The following PRSS48 variants were observed in gnomAD, a reference collection of about 807,000 sequenced individuals.
PRSS48 encodes the protein epidermis-specific serine protease-like protein.
PRSS48 carries 21 observed loss-of-function variants against 25.6 expected under a neutral mutation model. The observed-to-expected ratio is 0.82, with a 90% confidence interval of 0.58 to 1.18. The LOEUF (loss-of-function observed/expected upper bound fraction) is 1.18, where lower values mean the gene tolerates loss of function less well. Ranked by LOEUF, PRSS48 falls within the 50% of genes most tolerant of loss-of-function variation. The probability of loss-of-function intolerance (pLI) is 0.00; values close to 1 mark genes in which losing one functional copy is unlikely to be tolerated. For missense variants in PRSS48, 373 were observed against 399.3 expected (o/e 0.93, Z 0.56); for synonymous variants, 150 against 149.3 (o/e 1.00, Z -0.04).
intron 2 of PRSS48, among the ~76,000 whole-genome samples, chr4:151,280,836 A>G (rs1774155279): frequency 6.6e-6 from 1 of 152,176 alleles, no homozygotes; most frequent in Admixed American, 6.6e-5. Flanking sequence ...AAATAGAGTA[A>G]TAACTTCAAA....
rs1232738700 is a variant in PRSS48 at position 151,283,169 on chromosome 4, C to T, written c.534C>T (p.Arg178=). 9 of 1,613,886 alleles carry T rather than the reference C, an allele frequency of 5.6e-6. No homozygotes were observed. In the African/African-American group the frequency reaches 8.0e-5, roughly 14 times the overall value. The change falls in exon 4 of 5, where the codon CGC becomes CGT. Residue 178 remains arginine (R), a synonymous_variant. Transcript: ENST00000455694. ...AAGCAGAAGTACCCATTATTGACCGCCAGGCTTGTGAACAGCTCTACAATC... is the reference window on the plus strand; with the variant it reads ...AAGCAGAAGTACCCATTATTGACCGTCAGGCTTGTGAACAGCTCTACAATC...
intron 1 of PRSS48, chr4:151,279,128 C>A: frequency 2.3e-6 from 1 of 438,176 alleles, no homozygotes; most frequent in Non-Finnish European, 4.5e-6. Context: ...CCTGCCAAGG[C>A]CAGCACCCTG....
rs200807354 is a variant in PRSS48, at chr4:151,282,266, A to G, written c.334A>G (p.Thr112Ala). Residue 112 changes from threonine (T) to alanine (A), a missense_variant, in exon 3 of 5, where the codon ACG (threonine) becomes GCG (alanine). Coordinates refer to ENST00000455694, the Ensembl canonical transcript of PRSS48. ...CATCCATCCCAAGTACCAAGATACA[A>G]CGGCAGACGTCGCCTTGTTGAAACT... The G allele has an allele frequency of 1.4e-5, 22 of 1,613,978 alleles. No homozygotes were observed. In the African/African-American group the frequency reaches 2.9e-4, roughly 22 times the overall value.
At chr4:151,278,051 A>G (rs1008039650) in intron 1 of PRSS48, among the ~76,000 whole-genome samples, 8 of 152,150 alleles carry the variant, frequency 5.3e-5, no homozygotes, top group Admixed American at 6.6e-5. Context: ...CCCAAAAAAC[A>G]GAAAGGGTAT....
chr4:151,286,336 A>G (rs1324216229), intron 4 of PRSS48, among the ~76,000 whole-genome samples: 1 of 148,070 alleles, frequency 6.8e-6, no homozygotes, highest in Non-Finnish European at 1.5e-5. Flanking sequence ...AATAAAATTG[A>G]AAAAAAACTT....
chr4:151,291,408 G>A, exon 5 of PRSS48: 1 of 1,613,856 alleles, frequency 6.2e-7, no homozygotes. Context: ...CTTGCATACA[G>A]GGCTGGGAAG....
At chr4:151,291,746 G>A (rs1371832855), downstream of PRSS48, among the ~76,000 whole-genome samples, 2 of 152,158 alleles carry the variant, frequency 1.3e-5, no homozygotes, top group African/African-American at 4.8e-5. Flanking sequence ...AAATTAAATA[G>A]CTACTACAGA....
intron 2 of PRSS48, among the ~76,000 whole-genome samples, chr4:151,280,475 T>C (rs1774107230): frequency 6.6e-6 from 1 of 152,226 alleles, no homozygotes; most frequent in African/African-American, 2.4e-5. Flanking sequence ...TCAATGGTAC[T>C]CAACTAAGTC....
At chr4:151,280,051 A>AGAGAGGCAGGGCGG (rs1554066217) in intron 2 of PRSS48, 93 bp downstream of exon 2, 3 of 702,752 alleles carry the variant, frequency 4.3e-6, no homozygotes, top group South Asian at 2.4e-5. Flanking sequence ...GAAAGTGGTA[A>AGAGAGGCAGGGCGG]AATAGGCAGG....
At chr4:151,286,184 G>GAAAA (rs56850648) in intron 4 of PRSS48, among the ~76,000 whole-genome samples, 2,176 of 86,434 alleles carry the variant, frequency 0.025, no homozygotes, top group Non-Finnish European at 0.031. Flanking sequence ...CTGTCTTAAA[G>GAAAA]AAAAAAAAAA....
At chr4:151,279,826 T>C (rs964175962) in exon 2 of PRSS48, 1 of 1,613,894 alleles carries the variant, frequency 6.2e-7, no homozygotes, top group South Asian at 1.1e-5. Flanking sequence ...TCCAGCCGCG[T>C]TGTAGGTGGC....
At chr4:151,288,256 G>T (rs1775011191) in intron 4 of PRSS48, among the ~76,000 whole-genome samples, 1 of 152,144 alleles carries the variant, frequency 6.6e-6, no homozygotes, top group Non-Finnish European at 1.5e-5. Context: ...ATGCAACACT[G>T]TACTGGAGGT....
At position 151,282,135 on chromosome 4, in the gene PRSS48, CT is replaced by C. The variant is rs1417714198; in HGVS notation, c.216-9del. On this transcript the variant is annotated splice_polypyrimidine_tract_variant and intron_variant, in intron 2 of 4. Transcript: ENST00000455694. The stretch of plus-strand genomic sequence containing the variant: ...TGCAGGCCATAAGCAGGCCTCCTTT[CT>C]TTTCCCCATAGGACCTGGACTACTT... 4 of 1,612,178 alleles carry C rather than the reference CT, an allele frequency of 2.5e-6. No homozygotes were observed. Among genetic ancestry groups the C allele is most frequent in the African/African-American group, 2.7e-5 (2 of 74,890 alleles).
chr4:151,288,224 G>C (rs917307827), intron 4 of PRSS48, among the ~76,000 whole-genome samples: 2 of 152,142 alleles, frequency 1.3e-5, no homozygotes, highest in Admixed American at 1.3e-4. Context: ...AAGAGACAAG[G>C]ATGTCTATTC....
chr4:151,279,240 AT>A (rs34523834), intron 1 of PRSS48: 435 of 206,696 alleles, frequency 2.1e-3, no homozygotes, highest in Middle Eastern at 0.011. Flanking sequence ...TTCTTTTTCA[AT>A]TTTTTTTTTA....
rs531273080 is a variant in PRSS48, at chr4:151,288,093, A to C, written c.652-3025A>C. On this transcript the variant is annotated intron_variant, in intron 4 of 4. Transcript: ENST00000455694. ...AACAACGCTTCACGTTAAAAAAAAA[A>C]CAAAACACTCAACAATGAGATGAGT... Among the ~76,000 whole-genome samples the C allele has an allele frequency of 3.3e-5, 5 of 152,248 alleles. No homozygotes were observed. In the South Asian group the frequency reaches 6.2e-4, roughly 19 times the overall value.
chr4:151,285,529 AAC>A (rs1480387468), intron 4 of PRSS48, among the ~76,000 whole-genome samples: 1 of 152,210 alleles, frequency 6.6e-6, no homozygotes, highest in East Asian at 1.9e-4. Flanking sequence ...AAAATGAAGA[AAC>A]AACATATCAA....
exon 5 of PRSS48, chr4:151,291,239 A>G (rs1656228034): frequency 3.7e-6 from 6 of 1,613,792 alleles, no homozygotes; most frequent in East Asian, 2.2e-5. Context: ...GTAATCTACT[A>G]CCAAAAATGG....
At chr4:151,280,522 A>G (rs983389988) in intron 2 of PRSS48, among the ~76,000 whole-genome samples, 2 of 152,240 alleles carry the variant, frequency 1.3e-5, no homozygotes, top group Non-Finnish European at 2.9e-5. Context: ...TATGAGATAA[A>G]TATTTGTTGT....
Sources: allele counts gnomAD v4.1 joint callset (sites outside exome capture counted in the v4.1 genomes callset), GRCh38; gene constraint gnomAD v4.1.1; transcripts MANE v1.5; gene names NCBI Gene and HGNC (gene_info 2026-07-23, HGNC 2026-07-21).